Variants in TBP observed in about 807,000 individuals in gnomAD.
TBP encodes the protein TATA-box-binding protein.
In TBP, 12 loss-of-function variants were observed where a neutral mutation model predicts 46.2. That is an observed-to-expected ratio of 0.26 (90% confidence interval 0.17 to 0.42). TBP has a LOEUF of 0.42. Among genes scored for constraint, TBP ranks in the 10% least tolerant of loss-of-function variants. The probability of loss-of-function intolerance (pLI) is 1.00; values close to 1 mark genes in which losing one functional copy is unlikely to be tolerated. For missense variants in TBP, 229 were observed against 403.1 expected (o/e 0.57, Z 3.70); for synonymous variants, 157 against 148.3 (o/e 1.06, Z -0.42).
chr6:170,566,899 T>C lies in TBP; in HGVS notation c.586-19T>C. On this transcript the variant is annotated intron_variant, in intron 4 of 7. Coordinates refer to ENST00000392092, the MANE Select transcript of TBP (RefSeq NM_003194.5). ...CAGTTTGGCATGACCTCACTAATGA[T>C]TCTCTCTGACCATTGTAGCGGTTTG... 1 of 1,610,158 alleles carries C rather than the reference T, an allele frequency of 6.2e-7. No individual in the cohort carries two copies. The highest frequency in any genetic ancestry group is 8.5e-7 in the Non-Finnish European group (1 of 1,177,342).
chr6:170,571,337 T>A, intron 6 of TBP, 73 bp from the exon 7 acceptor site: 1 of 1,035,006 alleles, frequency 9.7e-7, no homozygotes, highest in East Asian at 2.4e-5. Flanking sequence ...TATTTTTCCT[T>A]GTACAGGTCC....
chr6:170,567,522 C>T (rs144312230), intron 5 of TBP: 1 of 152,268 alleles, frequency 6.6e-6, no homozygotes, highest in East Asian at 1.9e-4. Flanking sequence ...TGTAATACAA[C>T]ATCAGAACTA....
rs974233787 is a variant in TBP at position 170,569,882 on chromosome 6, G to C, written c.845+103G>C. 2.0e-5 allele frequency: 22 copies of C among 1,075,890 alleles called. No homozygotes were observed. In the African/African-American group the frequency reaches 3.2e-4, roughly 15 times the overall value. The allele number at this position is 1,075,890 out of a possible 1,614,324, so 66.6% of individuals were successfully genotyped here. ...GCAAAATATTCAGTATATGAGAACA[G>C]TTGACATGGTTATAGTTGTATGTAT... On this transcript the variant is annotated intron_variant, in intron 6 of 7. Coordinates refer to ENST00000392092, the MANE Select transcript of TBP (RefSeq NM_003194.5).
intron 2 of TBP, 49 bp downstream of exon 2, chr6:170,557,132 A>C (rs746177895): frequency 1.9e-6 from 3 of 1,540,328 alleles, no homozygotes. Flanking sequence ...TCTGAACTGC[A>C]AGAGATGGTA....
intron 7 of TBP, 92 bp downstream of exon 7, chr6:170,571,596 C>A: frequency 1.0e-6 from 1 of 984,544 alleles, no homozygotes. Flanking sequence ...AGTGTTCGGA[C>A]AGTGGGCTAG....
At chr6:170,554,744 C>G (rs1311545332) in intron 1 of TBP, 2 of 152,466 alleles carry the variant, frequency 1.3e-5, no homozygotes, top group East Asian at 3.9e-4. Flanking sequence ...CGGGACAGGA[C>G]AGTCCCTTGC....
At position 170,556,992 on chromosome 6, in the gene TBP, G is replaced by T. The variant is rs370692746; in HGVS notation, c.-38G>T. 1.2e-6 allele frequency: 2 copies of T among 1,609,928 alleles called. No homozygotes were observed. Among genetic ancestry groups the T allele is most frequent in the Admixed American group, 1.7e-5 (1 of 59,734 alleles). On this transcript the variant is annotated 5_prime_UTR_variant, in exon 2 of 8. Coordinates refer to ENST00000392092, the MANE Select transcript of TBP (RefSeq NM_003194.5). Reference sequence around the variant, plus strand: ...ATTGAATAGTGAGACGAGTTCCAGCGCAAGGGTTTCTGGTTTGCCAAGAAG... The same window carrying T: ...ATTGAATAGTGAGACGAGTTCCAGCTCAAGGGTTTCTGGTTTGCCAAGAAG...
intron 2 of TBP, among the ~76,000 whole-genome samples, chr6:170,559,511 A>G (rs892933201): frequency 6.6e-6 from 1 of 152,234 alleles, no homozygotes; most frequent in African/African-American, 2.4e-5. Context: ...CCCTTAAGCC[A>G]AAGTGTAATA....
chr6:170,566,887 C>T (rs1779261359), intron 4 of TBP, 31 bp from the exon 5 acceptor site: 2 of 1,601,930 alleles, frequency 1.2e-6, no homozygotes, highest in Admixed American at 3.4e-5. Flanking sequence ...TTTGGCATGA[C>T]CTCACTAATG....
At chr6:170,562,989 T>C (rs993460011) in intron 3 of TBP, among the ~76,000 whole-genome samples, 1 of 152,182 alleles carries the variant, frequency 6.6e-6, no homozygotes, top group African/African-American at 2.4e-5. Context: ...TTGTTACATA[T>C]ATGGTTGTTG....
chr6:170,561,488 T>A (rs6928833), intron 2 of TBP, among the ~76,000 whole-genome samples: 1 of 151,898 alleles, frequency 6.6e-6, no homozygotes, highest in Non-Finnish European at 1.5e-5. Context: ...TGTATTATAG[T>A]TATTTTTTTC....
intron 1 of TBP, among the ~76,000 whole-genome samples, chr6:170,555,870 A>G (rs948486085): frequency 3.3e-5 from 5 of 152,228 alleles, no homozygotes; most frequent in Non-Finnish European, 7.3e-5. Flanking sequence ...CTTTGATGCC[A>G]AGGACTATAT....
intron 2 of TBP, among the ~76,000 whole-genome samples, chr6:170,557,902 C>T (rs994164941): frequency 6.6e-6 from 1 of 152,034 alleles, no homozygotes; most frequent in Non-Finnish European, 1.5e-5. Flanking sequence ...CTCTGCTGGC[C>T]CCAGGTAACT....
chr6:170,572,037 T>G, intron 7 of TBP, 149 bp from the exon 8 acceptor site: 1 of 679,818 alleles, frequency 1.5e-6, no homozygotes, highest in Non-Finnish European at 2.6e-6. Flanking sequence ...GACAAGGGAT[T>G]CCACTATTAA....
Position 170,561,910 on chromosome 6 carries a change from GCAGCAGCAACAACAA to G in TBP, c.183_197del (p.Gln91_Gln95del), listed in dbSNP as rs755629023. On this transcript the variant is annotated inframe_deletion, in exon 3 of 8. Transcript: ENST00000392092. ...CTATTTTGGAAGAGCAACAAAGGCA[GCAGCAGCAACAACAA>G]CAGCAGCAGCAGCAGCAGCAGCAGC... 3.1e-6 allele frequency: 5 copies of G among 1,588,088 alleles called. No homozygotes were observed. Among genetic ancestry groups the G allele is most frequent in the Admixed American group, 1.8e-5 (1 of 56,298 alleles).
Position 170,562,203 on chromosome 6 carries a change from C to T in TBP, c.467C>T (p.Ser156Leu). 3 of 1,614,156 alleles carry T rather than the reference C, an allele frequency of 1.9e-6. No homozygotes were observed. The highest frequency in any genetic ancestry group is 1.7e-5 in the Admixed American group (1 of 60,026). ...CCCATCACTCCTGCCACGCCAGCTT[C>T]GGAGAGTTCTGGGATTGTACCGCAG... ...MTPITPATPA[S>L]ESSGIVPQLQ... The change falls in exon 3 of 8, where the codon TCG (serine) becomes TTG (leucine). Residue 156 changes from serine to leucine, a missense_variant. Physicochemically the swap from Ser to Leu is moderately radical, Grantham distance 145 (BLOSUM62 -2). Transcript: ENST00000392092.
Position 170,562,219 on chromosome 6 carries a change from T to A in TBP, c.483T>A (p.Ile161=). 1 of 1,613,920 alleles carries A rather than the reference T, an allele frequency of 6.2e-7. No individual in the cohort carries two copies. The highest frequency in any genetic ancestry group is 8.5e-7 in the Non-Finnish European group (1 of 1,179,816). ...PATPASESSG[I]VPQLQNIVST... ...CGCCAGCTTCGGAGAGTTCTGGGAT[T>A]GTACCGCAGCTGCAGTGAGTACTTC... The change falls in exon 3 of 8, where the codon ATT becomes ATA. Residue 161 remains isoleucine (I), a synonymous_variant. Coordinates refer to ENST00000392092, the MANE Select transcript of TBP (RefSeq NM_003194.5).
At position 170,572,535 on chromosome 6, in the gene TBP, A is replaced by T; in HGVS notation, c.*270A>T. Reference sequence around the variant, plus strand: ...GCGCTGCCCATTTATTTATATGTAGATTTTAAACACTGCTGTTGACAAGTT... The same window carrying T: ...GCGCTGCCCATTTATTTATATGTAGTTTTTAAACACTGCTGTTGACAAGTT... On this transcript the variant is annotated 3_prime_UTR_variant, in exon 8 of 8. Coordinates refer to ENST00000392092, the MANE Select transcript of TBP (RefSeq NM_003194.5). 1 of 398,960 alleles carries T rather than the reference A, an allele frequency of 2.5e-6. No homozygotes were observed. The highest frequency in any genetic ancestry group is 5.8e-5 in the South Asian group (1 of 17,200). The allele number at this position is 398,960 out of a possible 1,614,324, so 24.7% of individuals were successfully genotyped here. A position where few individuals can be genotyped will look rare whatever the true frequency, so the allele number is the denominator to read the frequency against.
At chr6:170,562,860 C>T (rs1464343465) in intron 3 of TBP, among the ~76,000 whole-genome samples, 1 of 152,182 alleles carries the variant, frequency 6.6e-6, no homozygotes, top group African/African-American at 2.4e-5. Flanking sequence ...TTTTAGAAAG[C>T]TTATGACCAA....
Sources: allele counts gnomAD v4.1 joint callset (sites outside exome capture counted in the v4.1 genomes callset), GRCh38; gene constraint gnomAD v4.1.1; transcripts MANE v1.5; gene names NCBI Gene and HGNC (gene_info 2026-07-23, HGNC 2026-07-21).